DEPDC1B: variants seen among roughly 807,000 people sequenced by gnomAD.
The protein encoded by DEPDC1B is DEP domain-containing protein 1B.
A neutral mutation model predicts 66.5 loss-of-function variants in DEPDC1B; 51 were observed. The ratio of observed to expected loss-of-function variants is 0.77; its 90% CI spans 0.61 to 0.97. The LOEUF (loss-of-function observed/expected upper bound fraction) is 0.97. DEPDC1B is among the 50% of genes least tolerant of loss of function. DEPDC1B has a pLI of 0.00. For synonymous variants in DEPDC1B, 226 were observed against 223.6 expected (o/e 1.01, Z -0.10); for missense variants, 552 against 637.1 (o/e 0.87, Z 1.44).
intron 2 of DEPDC1B, among the ~76,000 whole-genome samples, chr5:60,670,965 G>A (rs1400512793): frequency 6.6e-6 from 1 of 151,132 alleles, no homozygotes; most frequent in Non-Finnish European, 1.5e-5. Context: ...GGGGCAGGGA[G>A]AAACACCTGT....
intron 7 of DEPDC1B, among the ~76,000 whole-genome samples, chr5:60,621,555 G>T (rs1752701989): frequency 6.6e-6 from 1 of 151,466 alleles, no homozygotes; most frequent in South Asian, 2.1e-4. Context: ...GAGTGGGGAG[G>T]GATAGCATTA....
rs56979760 is a variant in DEPDC1B, at chr5:60,605,865, G to GA, written c.899-10dup. The GA allele has an allele frequency of 0.033, 36,324 of 1,112,568 alleles. 132 individuals are homozygous for GA. The highest frequency in any genetic ancestry group is 0.089 in the African/African-American group (5,476 of 61,314). 68.9% of individuals were successfully genotyped at this position (1,112,568 alleles called of 1,614,324 possible). On this transcript the variant is annotated splice_polypyrimidine_tract_variant and intron_variant, in intron 7 of 10. Transcript: ENST00000265036. ...CTCCTTCTGTAACAAACCTGATTTA[G>GA]AAAAAAAAAAATGTTATCTTTCAAC...
intron 7 of DEPDC1B, among the ~76,000 whole-genome samples, chr5:60,621,934 A>G (rs1461312433): frequency 1.3e-5 from 2 of 152,062 alleles, no homozygotes; most frequent in African/African-American, 4.8e-5. Context: ...AGTGCTTTTG[A>G]CTTCTTTATT....
In DEPDC1B at chr5:60,606,000, A is replaced by C. The variant is rs1752301976; in HGVS notation, c.899-144T>G. ...ACTATACTGGGTCAATTGAATATAG[A>C]TCCATTGTCACTCACAAATCACTAT... On this transcript the variant is annotated intron_variant, in intron 7 of 10. Coordinates refer to ENST00000265036, the MANE Select transcript of DEPDC1B (RefSeq NM_018369.3). 1.4e-5 allele frequency: 9 copies of C among 658,200 alleles called. No individual in the cohort carries two copies. The East Asian group carries it at 2.5e-4, about 18-fold the overall frequency. The allele number at this position is 658,200 out of a possible 1,614,324, so 40.8% of individuals were successfully genotyped here.
rs1354410996 is a variant in DEPDC1B, at chr5:60,647,524, A to T, written c.324T>A (p.Pro108=). Residue 108 remains proline (P), a synonymous_variant, in exon 3 of 11, where the codon CCT becomes CCA. Transcript: ENST00000265036. ...TTGGATATGGTTTCAGGGGTGAAGA[A>T]GGAGGAAATCTAAAACCCAAGAAGA... ...EDNRHLYRFP[P]SSPLKPYPKK... 3.7e-6 allele frequency: 6 copies of T among 1,611,234 alleles called. No homozygotes were observed. In the South Asian group the frequency reaches 6.6e-5, roughly 18 times the overall value.
At chr5:60,668,209 A>C (rs867156911) in intron 2 of DEPDC1B, among the ~76,000 whole-genome samples, 2 of 62,740 alleles carry the variant, frequency 3.2e-5, no homozygotes, top group African/African-American at 1.3e-4. Flanking sequence ...TGGATATTTT[A>C]TATATATATA....
chr5:60,636,268 T>A (rs989099305), intron 7 of DEPDC1B, among the ~76,000 whole-genome samples: 1 of 152,140 alleles, frequency 6.6e-6, no homozygotes, highest in East Asian at 1.9e-4. Context: ...AACAAATAAG[T>A]CTTTCATCTC....
At chr5:60,662,308 A>C (rs1188430262) in intron 2 of DEPDC1B, among the ~76,000 whole-genome samples, 1 of 152,160 alleles carries the variant, frequency 6.6e-6, no homozygotes, top group Admixed American at 6.5e-5. Flanking sequence ...GAATGGCGTG[A>C]ACCCGGGAGG....
chr5:60,680,446 C>T (rs763470579), intron 2 of DEPDC1B, among the ~76,000 whole-genome samples: 1 of 152,148 alleles, frequency 6.6e-6, no homozygotes, highest in African/African-American at 2.4e-5. Flanking sequence ...TAAATGCATT[C>T]ACAGAACAAA....
In DEPDC1B at chr5:60,603,394, G is replaced by A; in HGVS notation, c.1239C>T (p.Val413=). The A allele has an allele frequency of 1.9e-6, 3 of 1,566,056 alleles. No individual in the cohort carries two copies. In the East Asian group the frequency reaches 6.9e-5, roughly 36 times the overall value. The change falls in exon 9 of 11, where the codon GTC becomes GTT. Residue 413 remains valine (V), a synonymous_variant. Transcript: ENST00000265036. ...IEERVAHLRR[V]QIKYPGADMD... The stretch of plus-strand genomic sequence containing the variant: ...CTGATAATATCCTCTCCTTTACCTG[G>A]ACTCTTCGTAGATGAGCCACACGCT...
intron 2 of DEPDC1B, among the ~76,000 whole-genome samples, chr5:60,648,796 C>T (rs1281581657): frequency 6.6e-6 from 1 of 151,990 alleles, no homozygotes; most frequent in African/African-American, 2.4e-5. Flanking sequence ...GCAGGTGTTC[C>T]CAAAAGATTC....
At chr5:60,683,362 G>A (rs1428224478) in intron 2 of DEPDC1B, among the ~76,000 whole-genome samples, 1 of 152,142 alleles carries the variant, frequency 6.6e-6, no homozygotes, top group Non-Finnish European at 1.5e-5. Flanking sequence ...AGCCTGGGAG[G>A]TTGAGGCTGC....
intron 2 of DEPDC1B, among the ~76,000 whole-genome samples, chr5:60,669,550 T>C (rs1395132799): frequency 6.6e-6 from 1 of 152,202 alleles, no homozygotes; most frequent in African/African-American, 2.4e-5. Context: ...TGTAAACCCA[T>C]TCAACATATT....
intron 3 of DEPDC1B, among the ~76,000 whole-genome samples, chr5:60,646,157 AT>A (rs1245854953): frequency 6.6e-6 from 1 of 152,106 alleles, no homozygotes; most frequent in Non-Finnish European, 1.5e-5. Context: ...AGGAACAGAA[AT>A]TTTTTTGTTG....
intron 6 of DEPDC1B, 128 bp from the exon 7 acceptor site, chr5:60,639,018 G>A: frequency 9.9e-7 from 1 of 1,006,140 alleles, no homozygotes; most frequent in Non-Finnish European, 1.4e-6. Context: ...GTTTTTATGG[G>A]GAAAATTGAC....
intron 1 of DEPDC1B, among the ~76,000 whole-genome samples, chr5:60,698,039 A>G (rs76208040): frequency 6.6e-6 from 1 of 151,668 alleles, no homozygotes; most frequent in Non-Finnish European, 1.5e-5. Context: ...TTTTTTTTTT[A>G]GTCTAATGCA....
intron 1 of DEPDC1B, among the ~76,000 whole-genome samples, chr5:60,693,708 A>G (rs1393211900): frequency 6.6e-6 from 1 of 152,152 alleles, no homozygotes; most frequent in Non-Finnish European, 1.5e-5. Flanking sequence ...TCATTTCACT[A>G]TACCAAGTAC....
At chr5:60,661,030 G>A (rs528281426) in intron 2 of DEPDC1B, among the ~76,000 whole-genome samples, 18 of 152,196 alleles carry the variant, frequency 1.2e-4, no homozygotes, top group African/African-American at 2.6e-4. Context: ...AAGCACTTAC[G>A]GAATAAAAAC....
intron 2 of DEPDC1B, among the ~76,000 whole-genome samples, chr5:60,684,041 A>G (rs950182095): frequency 6.6e-6 from 1 of 152,160 alleles, no homozygotes; most frequent in African/African-American, 2.4e-5. Flanking sequence ...AAATTTAACA[A>G]GGAAGTGAAA....
Sources: gnomAD v4.1 joint callset for allele counts (sites outside exome capture counted in the v4.1 genomes callset) on GRCh38, gnomAD v4.1.1 for gene constraint, MANE v1.5 for transcripts, NCBI Gene and HGNC (gene_info 2026-07-23, HGNC 2026-07-21) for gene names.